CPEB1: variants seen among roughly 807,000 people sequenced by gnomAD.
CPEB1 encodes the protein cytoplasmic polyadenylation element binding protein 1.
Under a neutral mutation model 65.8 loss-of-function variants are expected in CPEB1, and 7 were observed. The observed-to-expected ratio is 0.11, with a 90% CI of 0.06 to 0.20. CPEB1 has a LOEUF of 0.20. Ranked by LOEUF, CPEB1 falls within the 10% of genes least tolerant of loss-of-function variation. CPEB1 has a pLI of 1.00. For synonymous variants in CPEB1, 262 were observed against 260.0 expected, an observed-to-expected ratio of 1.01 and a Z score of -0.08; for missense variants, 551 against 712.2, an observed-to-expected ratio of 0.77 and a Z score of 2.58.
chr15:82,643,097 T>C (rs2047232311), intron 1 of CPEB1, among the ~76,000 whole-genome samples: 1 of 152,088 alleles, frequency 6.6e-6, no homozygotes, highest in Admixed American at 6.6e-5. Flanking sequence ...CACCTCACCC[T>C]TCCCCTCCCC....
rs150312031 is a variant in CPEB1, at chr15:82,626,236, C to T, written c.271+957G>A. Among the ~76,000 whole-genome samples the T allele has an allele frequency of 9.7e-3, 1,469 of 151,860 alleles. 21 individuals carry two copies. The highest frequency in any genetic ancestry group is 0.033 in the African/African-American group (1,370 of 41,408). ...AGATCACAAGGTCAGGACATCGAGA[C>T]CATCCTGGCCAACATGGTGAAACCC... On this transcript the variant is annotated intron_variant, in intron 3 of 12. Coordinates refer to ENST00000684509, the MANE Select transcript of CPEB1 (RefSeq NM_001365242.1).
At chr15:82,575,055 G>A (rs1174504300) in intron 3 of CPEB1, among the ~76,000 whole-genome samples, 1 of 152,056 alleles carries the variant, frequency 6.6e-6, no homozygotes, top group Admixed American at 6.6e-5. Context: ...ATTGAATACT[G>A]TAATGAAAAT....
chr15:82,580,838 G>A (rs765719558), intron 3 of CPEB1, among the ~76,000 whole-genome samples: 35 of 142,968 alleles, frequency 2.4e-4, no homozygotes, highest in Non-Finnish European at 4.2e-4. Context: ...GTTGCAGTAC[G>A]TCCCCAATTT....
chr15:82,607,111 G>A (rs965092424), intron 3 of CPEB1, among the ~76,000 whole-genome samples: 3 of 149,918 alleles, frequency 2.0e-5, no homozygotes, highest in Non-Finnish European at 4.4e-5. Flanking sequence ...TGGAAGAATA[G>A]GGGGAAAAGA....
At chr15:82,627,039 A>G (rs1002096298) in intron 3 of CPEB1, among the ~76,000 whole-genome samples, 154 bp downstream of exon 3, 2 of 152,204 alleles carry the variant, frequency 1.3e-5, no homozygotes, top group African/African-American at 4.8e-5. Flanking sequence ...CCAGAGAGGG[A>G]TTCAATCCAT....
At chr15:82,577,658 G>A in intron 3 of CPEB1, among the ~76,000 whole-genome samples, 1 of 152,068 alleles carries the variant, frequency 6.6e-6, no homozygotes, top group East Asian at 1.9e-4. Context: ...GGGACTACAG[G>A]TGCATGCCAC....
At chr15:82,548,673 GA>G (rs1376845099) in intron 10 of CPEB1, 1 of 455,300 alleles carries the variant, frequency 2.2e-6, no homozygotes, top group Non-Finnish European at 4.4e-6. Flanking sequence ...GCACTCTGGA[GA>G]CCTATTAAGA....
At chr15:82,555,135 A>G (rs1381442922) in intron 6 of CPEB1, among the ~76,000 whole-genome samples, 1 of 152,268 alleles carries the variant, frequency 6.6e-6, no homozygotes, top group East Asian at 1.9e-4. Context: ...AAGCAGTACT[A>G]GACAAAGATG....
At chr15:82,586,898 T>TC (rs1248096982) in intron 3 of CPEB1, among the ~76,000 whole-genome samples, 3 of 152,208 alleles carry the variant, frequency 2.0e-5, no homozygotes, top group African/African-American at 7.2e-5. Flanking sequence ...TATAGCATTT[T>TC]CCCCAAGGGA....
At chr15:82,629,231 T>C (rs1382771605) in intron 1 of CPEB1, 14 of 982,868 alleles carry the variant, frequency 1.4e-5, no homozygotes, top group Middle Eastern at 5.2e-4. Flanking sequence ...ACCAACTTTT[T>C]GATGACATAT....
chr15:82,568,183 T>A (rs1418106457), intron 4 of CPEB1, among the ~76,000 whole-genome samples: 2 of 152,162 alleles, frequency 1.3e-5, no homozygotes, highest in Non-Finnish European at 2.9e-5. Context: ...CTTTGTAACC[T>A]CCATGAGCCT....
Position 82,553,997 on chromosome 15 carries a change from G to T in CPEB1, c.941-6C>A, listed in dbSNP as rs763454983. The T allele has an allele frequency of 1.3e-6, 2 of 1,561,620 alleles. No homozygotes were observed. Among genetic ancestry groups the T allele is most frequent in the Admixed American group, 3.7e-5 (2 of 54,680 alleles). ...ACAGGTGGCTTCATTCACAGCTTTG[G>T]TAGATGGCAAAGAGATAAACAGGGG... On this transcript the variant is annotated splice_polypyrimidine_tract_variant and splice_region_variant and intron_variant, in intron 6 of 12. Coordinates refer to ENST00000684509, the MANE Select transcript of CPEB1 (RefSeq NM_001365242.1).
Position 82,552,508 on chromosome 15 carries a change from A to G in CPEB1, c.1253T>C (p.Met418Thr), listed in dbSNP as rs1318565769. 1.3e-6 allele frequency: 2 copies of G among 1,597,974 alleles called. No homozygotes were observed. The highest frequency in any genetic ancestry group is 1.7e-6 in the Non-Finnish European group (2 of 1,174,092). Residue 418 changes from methionine (M) to threonine (T), a missense_variant, in exon 9 of 13, where the codon ATG becomes ACG. Physicochemically the swap from Met to Thr is moderately conservative, Grantham distance 81 (BLOSUM62 -1). Coordinates refer to ENST00000684509, the MANE Select transcript of CPEB1 (RefSeq NM_001365242.1). Reference protein sequence around the residue: ...PDGLSEYYFKMSSRRMRCKEV... With the variant: ...PDGLSEYYFKTSSRRMRCKEV... ...CTTGCAGCGCATCCTTCGGCTGGAC[A>G]TCTTGAAATAATATTCACTCAGGCC...
intron 3 of CPEB1, among the ~76,000 whole-genome samples, chr15:82,587,528 C>A (rs768313741): frequency 6.6e-6 from 1 of 152,014 alleles, no homozygotes; most frequent in East Asian, 1.9e-4. Flanking sequence ...GTATACAAGA[C>A]GACAGCTGCA....
chr15:82,616,328 A>G (rs2044704752), intron 3 of CPEB1, among the ~76,000 whole-genome samples: 1 of 152,142 alleles, frequency 6.6e-6, no homozygotes, highest in Non-Finnish European at 1.5e-5. Context: ...ATGGACATAC[A>G]CAGAGAAGTA....
upstream of CPEB1, chr15:82,647,773 G>T (rs939880335): frequency 2.5e-6 from 3 of 1,178,054 alleles, no homozygotes; most frequent in Non-Finnish European, 3.2e-6. Flanking sequence ...GGGTACCGCG[G>T]CGCCGGACCC....
At chr15:82,647,767 A>C (rs2047703765), upstream of CPEB1, 2 of 1,131,982 alleles carry the variant, frequency 1.8e-6, no homozygotes, top group Admixed American at 8.8e-5. Flanking sequence ...GGATGGGGGT[A>C]CCGCGGCGCC....
At chr15:82,645,819 G>A (rs1277530142) in intron 1 of CPEB1, among the ~76,000 whole-genome samples, 1 of 152,084 alleles carries the variant, frequency 6.6e-6, no homozygotes, top group Non-Finnish European at 1.5e-5. Flanking sequence ...AGTGAGCCAA[G>A]ATCGCGAGAC....
chr15:82,546,645 G>A lies in CPEB1; in HGVS notation c.1576-124C>T, dbSNP rs540388675. The A allele has an allele frequency of 5.6e-5, 42 of 746,076 alleles. No individual in the cohort carries two copies. In the African/African-American group the frequency reaches 5.9e-4, roughly 11 times the overall value. 46.2% of individuals were successfully genotyped at this position (746,076 alleles called of 1,614,324 possible). On this transcript the variant is annotated intron_variant, in intron 11 of 12. Coordinates refer to ENST00000684509, the MANE Select transcript of CPEB1 (RefSeq NM_001365242.1). ...CGGGATATTGGAATGCAGGATATTT[G>A]CCTGTTTTAAAGGAGGCTTGGAGAG...
Sources: gnomAD v4.1 joint callset for allele counts (sites outside exome capture counted in the v4.1 genomes callset) on GRCh38, gnomAD v4.1.1 for gene constraint, MANE v1.5 for transcripts, NCBI Gene and HGNC (gene_info 2026-07-23, HGNC 2026-07-21) for gene names.